Variants in MYO9A observed in about 807,000 individuals in gnomAD.
MYO9A encodes myosin IXA.
Under a neutral mutation model 293.3 loss-of-function variants are expected in MYO9A, and 103 were observed. The ratio of observed to expected loss-of-function variants is 0.35; its 90% CI spans 0.30 to 0.41. The LOEUF (loss-of-function observed/expected upper bound fraction) is 0.41. Among genes scored for constraint, MYO9A ranks in the 10% least tolerant of loss-of-function variants. The pLI is 1.00. For missense variants in MYO9A, 2,685 were observed against 3,033.0 expected (o/e 0.89, Z 2.69); for synonymous variants, 1,001 against 1,035.7 (o/e 0.97, Z 0.64).
intron 19 of MYO9A, among the ~76,000 whole-genome samples, chr15:71,908,205 CT>C (rs1448757515): frequency 5.3e-5 from 8 of 152,298 alleles, no homozygotes; most frequent in Admixed American, 5.2e-4. Flanking sequence ...ATAGGGAATC[CT>C]TTCCCCATTG....
chr15:72,047,773 C>CATTT lies in MYO9A; in HGVS notation c.-71-1140_-71-1139insAAAT, dbSNP rs1566982437. On this transcript the variant is annotated intron_variant, in intron 1 of 41. Coordinates refer to ENST00000356056, the MANE Select transcript of MYO9A (RefSeq NM_006901.4). ...TAAGAAGAAATACTTTCAGTTACTT[C>CATTT]CTTTTTTTTTTTTTTTTTTTTTGAG... 4.5e-3 allele frequency among the ~76,000 whole-genome samples: 113 copies of CATTT among 25,366 alleles called. 1 individual carries two copies. The highest frequency in any genetic ancestry group is 0.026 in the Admixed American group (41 of 1,600). The allele number at this position is 25,366 out of a possible 152,430, so 16.6% of individuals were successfully genotyped here.
At chr15:72,037,508 G>C (rs2078091236) in intron 2 of MYO9A, among the ~76,000 whole-genome samples, 1 of 152,100 alleles carries the variant, frequency 6.6e-6, no homozygotes, top group African/African-American at 2.4e-5. Flanking sequence ...GCTTGGCTGA[G>C]TACTGAAGGG....
Position 72,046,551 on chromosome 15 carries a change from C to T in MYO9A, c.13G>A (p.Asp5Asn). The change falls in exon 2 of 42, where the codon GAT (aspartate) becomes AAT (asparagine). Residue 5 changes from aspartate to asparagine, a missense_variant. Physicochemically the swap from Asp to Asn is conservative, Grantham distance 23. This residue lies in a region of MYO9A where 67 missense variants were observed against 63.2 expected (regional missense o/e 1.06). Coordinates refer to ENST00000356056, the MANE Select transcript of MYO9A (RefSeq NM_006901.4). ...TCTTCAAAGCGTCGTCTTCCTCCAT[C>T]ATTTATATTCATATTGGATCCTGTC... MNIN[D>N]GGRRRFEDNE... is the part of the protein sequence containing the mutation. 4 of 1,595,134 alleles carry T rather than the reference C, an allele frequency of 2.5e-6. No individual in the cohort carries two copies. The highest frequency in any genetic ancestry group is 3.4e-6 in the Non-Finnish European group (4 of 1,170,068).
chr15:71,947,750 TC>T (rs2058954147), intron 15 of MYO9A, among the ~76,000 whole-genome samples: 1 of 152,150 alleles, frequency 6.6e-6, no homozygotes, highest in Non-Finnish European at 1.5e-5. Context: ...CCTCAGCCCT[TC>T]CCTGGCAATT....
Position 72,010,457 on chromosome 15 carries a change from TAAAATA to T in MYO9A, c.1156-16_1156-11del. 6.2e-7 allele frequency: 1 copy of T among 1,606,130 alleles called. No homozygotes were observed. The highest frequency in any genetic ancestry group is 8.5e-7 in the Non-Finnish European group (1 of 1,174,800). On this transcript the variant is annotated splice_polypyrimidine_tract_variant and intron_variant, in intron 6 of 41. Coordinates refer to ENST00000356056, the MANE Select transcript of MYO9A (RefSeq NM_006901.4). ...CCACCGTGAAGCAATCCTGCTTATT[TAAAATA>T]AAAGTTTAAAAATCAAGATTATATA...
rs561493948 is a variant in MYO9A, at chr15:72,006,025, T to G, written c.1380+1801A>C. Among the ~76,000 whole-genome samples, 8 of 152,300 alleles carry G rather than the reference T, an allele frequency of 5.3e-5. No homozygotes were observed. In the South Asian group the frequency reaches 1.7e-3, roughly 32 times the overall value. ...TATAGCACATCTATATAATGGAATA[T>G]TACCCCGTAATAAACAGAAATGAGC... On this transcript the variant is annotated intron_variant, in intron 8 of 41. Transcript: ENST00000356056.
chr15:71,911,488 A>C (rs1221061001), intron 19 of MYO9A, among the ~76,000 whole-genome samples: 2 of 152,226 alleles, frequency 1.3e-5, no homozygotes, highest in Non-Finnish European at 2.9e-5. Flanking sequence ...GACTGTTCAC[A>C]TAACAGCGGA....
chr15:71,851,286 T>C lies in MYO9A; in HGVS notation c.6548A>G (p.Asn2183Ser), dbSNP rs758961366. Reference protein sequence around the residue: ...VIDQLSRTHLNTLERLIFHLV... With the variant: ...VIDQLSRTHLSTLERLIFHLV... ...ATGAAAGATGAGGCGTTCCAGTGTA[T>C]TGAGATGAGTTCGGGAGAGTTGATC... The change falls in exon 37 of 42, where the codon AAT becomes AGT. Residue 2183 changes from asparagine (N) to serine (S), a missense_variant. By Grantham distance (46) the Asn-to-Ser change is conservative. Coordinates refer to ENST00000356056, the MANE Select transcript of MYO9A (RefSeq NM_006901.4). 12 of 1,614,034 alleles carry C rather than the reference T, an allele frequency of 7.4e-6. No individual in the cohort carries two copies. The highest frequency in any genetic ancestry group is 4.5e-5 in the East Asian group (2 of 44,864).
At chr15:72,102,476 T>G (rs1192070597) in intron 1 of MYO9A, among the ~76,000 whole-genome samples, 2 of 138,058 alleles carry the variant, frequency 1.4e-5, no homozygotes, top group African/African-American at 5.4e-5. Flanking sequence ...ACCCAAGAAT[T>G]ATCAATAAAA....
At chr15:71,976,154 G>C (rs989090037) in intron 12 of MYO9A, among the ~76,000 whole-genome samples, 9 of 152,128 alleles carry the variant, frequency 5.9e-5, no homozygotes, top group Non-Finnish European at 2.9e-5. Flanking sequence ...ACTACCTCCA[G>C]GTAGACAGTG....
At chr15:72,009,038 T>C (rs1466028469) in intron 7 of MYO9A, among the ~76,000 whole-genome samples, 7 of 152,150 alleles carry the variant, frequency 4.6e-5, no homozygotes, top group African/African-American at 1.7e-4. Context: ...AGTTTTTAAA[T>C]CTTTGAATCA....
chr15:71,924,396 C>T (rs1299241867), intron 18 of MYO9A, among the ~76,000 whole-genome samples: 1 of 152,018 alleles, frequency 6.6e-6, no homozygotes, highest in African/African-American at 2.4e-5. Flanking sequence ...CGCCTGCCAC[C>T]ATGCCTGGCT....
chr15:72,100,869 TGGG>T (rs1258402939), intron 1 of MYO9A, among the ~76,000 whole-genome samples: 3 of 105,528 alleles, frequency 2.8e-5, no homozygotes, highest in Admixed American at 9.1e-5. Context: ...GGGAGGGAGG[TGGG>T]GGGGGTCAGC....
chr15:71,936,519 G>C (rs1056919770), intron 16 of MYO9A, among the ~76,000 whole-genome samples: 4 of 152,068 alleles, frequency 2.6e-5, no homozygotes, highest in Non-Finnish European at 5.9e-5. Context: ...ACACATATTT[G>C]AGACGACGAA....
chr15:71,882,689 T>C lies in MYO9A; in HGVS notation c.5398+905A>G, dbSNP rs556001127. 7.2e-5 allele frequency among the ~76,000 whole-genome samples: 11 copies of C among 152,336 alleles called. No homozygotes were observed. In the South Asian group the frequency reaches 1.5e-3, roughly 20 times the overall value. On this transcript the variant is annotated intron_variant, in intron 28 of 41. Coordinates refer to ENST00000356056, the MANE Select transcript of MYO9A (RefSeq NM_006901.4). ...CAGGCATCTGCTAGGTACTGAAATA[T>C]AGCAAGTACTTAATATACAACACAG... is the stretch of plus-strand genomic sequence containing the variant.
At chr15:71,907,093 C>T (rs547140013) in intron 19 of MYO9A, among the ~76,000 whole-genome samples, 2 of 143,796 alleles carry the variant, frequency 1.4e-5, no homozygotes, top group Admixed American at 1.4e-4. Flanking sequence ...TCCCTCCCCC[C>T]TCCCCCTACC....
At chr15:71,997,488 T>C (rs2148588480) in intron 9 of MYO9A, among the ~76,000 whole-genome samples, 1 of 152,108 alleles carries the variant, frequency 6.6e-6, no homozygotes, top group South Asian at 2.1e-4. Flanking sequence ...TAATCCCAGC[T>C]ACTCGGGAGG....
At chr15:72,056,931 G>A (rs1244122396) in intron 1 of MYO9A, among the ~76,000 whole-genome samples, 102 of 152,154 alleles carry the variant, frequency 6.7e-4, no homozygotes, top group Non-Finnish European at 5.9e-5. Context: ...CCAACATGGT[G>A]AAACGCTGTC....
rs936359695 is a variant in MYO9A at position 72,105,722 on chromosome 15, G to C, written c.-72+11958C>G. ...GGGTTTCTACATGTTGGTCAGGCTGGTCTTGAACTCTCAACCTCAGGTGAT... is the reference window on the plus strand; with the variant it reads ...GGGTTTCTACATGTTGGTCAGGCTGCTCTTGAACTCTCAACCTCAGGTGAT... On this transcript the variant is annotated intron_variant, in intron 1 of 41. Transcript: ENST00000356056. Among the ~76,000 whole-genome samples, 7 of 152,056 alleles carry C rather than the reference G, an allele frequency of 4.6e-5. No individual in the cohort carries two copies. The East Asian group carries it at 1.4e-3, about 30-fold the overall frequency.
Sources: allele counts gnomAD v4.1 joint callset (sites outside exome capture counted in the v4.1 genomes callset), GRCh38; gene constraint gnomAD v4.1.1; regional missense constraint gnomAD v4.1.1; transcripts MANE v1.5; gene names NCBI Gene and HGNC (gene_info 2026-07-23, HGNC 2026-07-21).